The following ADAMTS3 variants were observed in gnomAD, a reference collection of about 807,000 sequenced individuals.
The protein encoded by ADAMTS3 is A disintegrin and metalloproteinase with thrombospondin motifs 3.
A neutral mutation model predicts 129.0 loss-of-function variants in ADAMTS3; 73 were observed. The ratio of observed to expected loss-of-function variants is 0.57; its 90% confidence interval spans 0.47 to 0.69. ADAMTS3 has a LOEUF of 0.69. ADAMTS3 is among the 30% of genes least tolerant of loss of function. ADAMTS3 has a pLI of 0.00. For synonymous variants in ADAMTS3, 477 were observed against 510.8 expected, an observed-to-expected ratio of 0.93 and a Z score of 0.89; for missense variants, 1,457 against 1,514.5, an observed-to-expected ratio of 0.96 and a Z score of 0.63.
At chr4:72,304,223 T>C (rs1047786878) in intron 16 of ADAMTS3, 143 bp from the exon 17 acceptor site, 10 of 791,884 alleles carry the variant, frequency 1.3e-5, no homozygotes, top group Non-Finnish European at 2.0e-5. Flanking sequence ...GTGTTAGTTC[T>C]GATATTATTT....
At chr4:72,286,191 G>A (rs994010962) in intron 21 of ADAMTS3, among the ~76,000 whole-genome samples, 3 of 152,172 alleles carry the variant, frequency 2.0e-5, no homozygotes, top group Non-Finnish European at 4.4e-5. Flanking sequence ...CATTGGGCAC[G>A]TCTGTAGAAA....
chr4:72,519,507 T>C (rs1441838585), intron 3 of ADAMTS3, among the ~76,000 whole-genome samples: 3 of 152,228 alleles, frequency 2.0e-5, no homozygotes, highest in African/African-American at 7.2e-5. Flanking sequence ...TTTCACATAG[T>C]CCCATATTTC....
At chr4:72,560,221 TA>T (rs35259992) in intron 2 of ADAMTS3, among the ~76,000 whole-genome samples, 5,216 of 143,764 alleles carry the variant, frequency 0.036, 383 homozygotes, top group African/African-American at 0.13. Context: ...CCCAAAACTA[TA>T]AAAAAAAAAA....
In ADAMTS3 at chr4:72,313,754, T is replaced by C. The variant is rs143547626; in HGVS notation, c.1668A>G (p.Ser556=). Residue 556 remains serine (S), a synonymous_variant, in exon 12 of 22, where the codon TCA becomes TCG. Transcript: ENST00000286657. ...NQQKQDGNWG[S]WTKFGSCSRT... ...GAGAACAGGAGCCAAATTTAGTCCA[T>C]GACCCCCAATTGCCATCTTGTTTTT... 16 of 1,613,810 alleles carry C rather than the reference T, an allele frequency of 9.9e-6. No homozygotes were observed. The highest frequency in any genetic ancestry group is 1.3e-5 in the Non-Finnish European group (15 of 1,179,898).
intron 21 of ADAMTS3, among the ~76,000 whole-genome samples, chr4:72,286,977 TG>T (rs377614886): frequency 2.1e-3 from 326 of 151,702 alleles, no homozygotes; most frequent in African/African-American, 7.7e-3. Context: ...AGGAAAAAGG[TG>T]GGTATGGCCT....
At chr4:72,301,825 T>G (rs1163633587) in intron 17 of ADAMTS3, among the ~76,000 whole-genome samples, 1 of 151,958 alleles carries the variant, frequency 6.6e-6, no homozygotes, top group African/African-American at 2.4e-5. Context: ...TGGAGCTAGA[T>G]TAGAGTTTGG....
intron 3 of ADAMTS3, among the ~76,000 whole-genome samples, chr4:72,513,674 T>C (rs1720374888): frequency 6.6e-6 from 1 of 152,240 alleles, no homozygotes; most frequent in African/African-American, 2.4e-5. Context: ...GCATTCCCTC[T>C]TTCCTGTCTC....
At chr4:72,554,512 G>C (rs1422426209) in intron 2 of ADAMTS3, among the ~76,000 whole-genome samples, 1 of 152,088 alleles carries the variant, frequency 6.6e-6, no homozygotes, top group African/African-American at 2.4e-5. Context: ...CAAACTGAAT[G>C]TTCACCTATT....
intron 3 of ADAMTS3, among the ~76,000 whole-genome samples, chr4:72,495,408 G>C (rs1261530474): frequency 6.6e-6 from 1 of 151,856 alleles, no homozygotes; most frequent in African/African-American, 2.4e-5. Flanking sequence ...GATGGGGTGG[G>C]GTTCAATCAA....
chr4:72,355,102 T>C (rs1425066492), intron 4 of ADAMTS3, among the ~76,000 whole-genome samples: 2 of 151,984 alleles, frequency 1.3e-5, no homozygotes, highest in African/African-American at 4.8e-5. Context: ...ATTTTTTCTC[T>C]AGAGTAGTTA....
chr4:72,347,973 G>A (rs1363527757), intron 4 of ADAMTS3, among the ~76,000 whole-genome samples: 1 of 151,878 alleles, frequency 6.6e-6, no homozygotes, highest in East Asian at 1.9e-4. Context: ...AACTTCTCCA[G>A]AAACTCTACA....
intron 2 of ADAMTS3, among the ~76,000 whole-genome samples, chr4:72,554,197 T>A (rs571489225): frequency 1.3e-5 from 2 of 152,222 alleles, no homozygotes; most frequent in Non-Finnish European, 2.9e-5. Context: ...TGTGCAGACA[T>A]ATGCAGTTAA....
At chr4:72,472,404 T>C (rs907012157) in intron 3 of ADAMTS3, among the ~76,000 whole-genome samples, 1 of 152,130 alleles carries the variant, frequency 6.6e-6, no homozygotes, top group Non-Finnish European at 1.5e-5. Context: ...CACTGTAGGT[T>C]TATACAGTAT....
intron 4 of ADAMTS3, among the ~76,000 whole-genome samples, chr4:72,352,719 T>C (rs1246945591): frequency 2.0e-5 from 3 of 151,808 alleles, no homozygotes; most frequent in Admixed American, 2.0e-4. Flanking sequence ...ACAGAGGAGG[T>C]GACATCTGAA....
intron 3 of ADAMTS3, among the ~76,000 whole-genome samples, chr4:72,466,559 G>A (rs141799970): frequency 2.6e-5 from 4 of 152,012 alleles, no homozygotes; most frequent in African/African-American, 9.7e-5. Context: ...GACAGAATGT[G>A]GGGGTGGGAA....
intron 3 of ADAMTS3, among the ~76,000 whole-genome samples, chr4:72,437,169 C>CA (rs1031583579): frequency 9.2e-5 from 14 of 151,710 alleles, no homozygotes; most frequent in African/African-American, 3.4e-4. Context: ...AAACTTCACA[C>CA]AAAAAATTAC....
At chr4:72,444,896 C>A (rs1049026755) in intron 3 of ADAMTS3, among the ~76,000 whole-genome samples, 1 of 151,672 alleles carries the variant, frequency 6.6e-6, no homozygotes. Context: ...ATGCATGCTA[C>A]GACATGGATG....
rs112853706 is a variant in ADAMTS3 at position 72,542,588 on chromosome 4, A to G, written c.504+5890T>C. Among the ~76,000 whole-genome samples, 874 of 152,340 alleles carry G rather than the reference A, an allele frequency of 5.7e-3. 14 individuals are homozygous for G. Among genetic ancestry groups the G allele is most frequent in the African/African-American group, 0.02 (837 of 41,582 alleles). On this transcript the variant is annotated intron_variant, in intron 3 of 21. Coordinates refer to ENST00000286657, the MANE Select transcript of ADAMTS3 (RefSeq NM_014243.3). ...TGGACCAGAATTTGAGATATTAGGA[A>G]CTTCTTTTTATAGTTTTTCTGATTT... is the stretch of plus-strand genomic sequence containing the variant.
Position 72,315,838 on chromosome 4 carries a change from G to A in ADAMTS3, c.1599+20C>T, listed in dbSNP as rs1237545164. The A allele has an allele frequency of 1.4e-6, 2 of 1,420,714 alleles. No homozygotes were observed. The highest frequency in any genetic ancestry group is 1.8e-5 in the Admixed American group (1 of 57,136). The allele number at this position is 1,420,714 out of a possible 1,614,324, so 88.0% of individuals were successfully genotyped here. On this transcript the variant is annotated intron_variant, in intron 11 of 21. Coordinates refer to ENST00000286657, the MANE Select transcript of ADAMTS3 (RefSeq NM_014243.3). The stretch of plus-strand genomic sequence containing the variant: ...ATGCAACATATCTTACATATTTATT[G>A]TGTAAATAGATATACTCACTTTTCC...
Sources: gnomAD v4.1 joint callset for allele counts (sites outside exome capture counted in the v4.1 genomes callset) on GRCh38, gnomAD v4.1.1 for gene constraint, MANE v1.5 for transcripts, NCBI Gene and HGNC (gene_info 2026-07-23, HGNC 2026-07-21) for gene names.